The following LRRC61 variants were observed in gnomAD, a reference collection of about 807,000 sequenced individuals.
LRRC61 encodes leucine rich repeat containing 61.
Under a neutral mutation model 15.1 loss-of-function variants are expected in LRRC61, and 9 were observed. That is an observed-to-expected ratio of 0.60 (90% CI 0.36 to 1.04). The LOEUF (loss-of-function observed/expected upper bound fraction) is 1.04. LRRC61 is among the 50% of genes least tolerant of loss of function. LRRC61 has a pLI of 0.01. For missense variants in LRRC61, 344 were observed against 335.6 expected, an observed-to-expected ratio of 1.03 and a Z score of -0.20; for synonymous variants, 173 against 158.6, an observed-to-expected ratio of 1.09 and a Z score of -0.68.
intron 2 of LRRC61, chr7:150,331,729 T>C (rs1244779624): frequency 6.0e-6 from 1 of 167,186 alleles, no homozygotes; most frequent in African/African-American, 2.4e-5. Context: ...TGGCCAAGGA[T>C]GTGGAGTGGG....
intron 2 of LRRC61, among the ~76,000 whole-genome samples, chr7:150,327,462 A>C (rs1797985719): frequency 1.3e-5 from 2 of 152,172 alleles, no homozygotes; most frequent in Non-Finnish European, 1.5e-5. Context: ...GGTTTCTAGC[A>C]GTAAACATGG....
In LRRC61 at chr7:150,330,103, A is replaced by T. The variant is rs1798058268; in HGVS notation, c.-145+4093A>T. 4.8e-6 allele frequency: 2 copies of T among 415,608 alleles called. No homozygotes were observed. The highest frequency in any genetic ancestry group is 9.2e-5 in the East Asian group (2 of 21,646). The allele number at this position is 415,608 out of a possible 1,614,324, so 25.7% of individuals were successfully genotyped here. A position where few individuals can be genotyped will look rare whatever the true frequency, so the allele number is the denominator to read the frequency against. On this transcript the variant is annotated intron_variant, in intron 2 of 2. Coordinates refer to ENST00000359623, the MANE Select transcript of LRRC61 (RefSeq NM_001142928.2). This position sits in a 1 kb window ranked among gnomAD's most constrained non-coding sequence, Gnocchi z 4.6. ...GTGAGAAACTTTCTGTGTCACCCTCACAGTGTCCAGATCATCCTGGGCACT... is the reference window on the plus strand; with the variant it reads ...GTGAGAAACTTTCTGTGTCACCCTCTCAGTGTCCAGATCATCCTGGGCACT...
Position 150,335,041 on chromosome 7 carries a change from A to G in LRRC61, c.-144-1677A>G, listed in dbSNP as rs1371866818. On this transcript the variant is annotated intron_variant, in intron 2 of 2. Coordinates refer to ENST00000359623, the MANE Select transcript of LRRC61 (RefSeq NM_001142928.2). The surrounding 1 kb of genome is among the most constrained non-coding windows in gnomAD (Gnocchi z 4.3). ...GTGAAACTCTGTCTCAAAAAAAAAA[A>G]AAAAAAAGAAAAAAAGGAGCCCCTG... Among the ~76,000 whole-genome samples the G allele has an allele frequency of 1.3e-5, 2 of 151,536 alleles. No homozygotes were observed. Among genetic ancestry groups the G allele is most frequent in the Non-Finnish European group, 2.9e-5 (2 of 67,894 alleles).
At chr7:150,314,715 G>A in the LRRC61 span, among the ~76,000 whole-genome samples, 1 of 150,882 alleles carries the variant, frequency 6.6e-6, no homozygotes, top group Non-Finnish European at 1.5e-5. Flanking sequence ...GGCTGAGGTG[G>A]GTGGATCCCT....
chr7:150,318,693 C>T (rs536473086), upstream of LRRC61, among the ~76,000 whole-genome samples: 24 of 152,260 alleles, frequency 1.6e-4, no homozygotes, highest in East Asian at 7.7e-4. Context: ...ACCCGAAGAG[C>T]CGAGATCGCA....
chr7:150,336,034 G>A (rs1012598511), intron 2 of LRRC61, among the ~76,000 whole-genome samples: 2 of 152,180 alleles, frequency 1.3e-5, no homozygotes, highest in South Asian at 2.1e-4. Flanking sequence ...TAGCTTTGGC[G>A]GGCAGTGAAG....
At position 150,333,889 on chromosome 7, in the gene LRRC61, A is replaced by G. The variant is rs76735405; in HGVS notation, c.-144-2829A>G. 9.9e-3 allele frequency: 9,782 copies of G among 985,138 alleles called. 391 individuals carry two copies. The East Asian group carries it at 0.12, about 13-fold the overall frequency. 61.0% of individuals were successfully genotyped at this position (985,138 alleles called of 1,614,324 possible). A position where few individuals can be genotyped will look rare whatever the true frequency, so the allele number is the denominator to read the frequency against. ...GTTTGCAGTGTGCAGGTGATGGACC[A>G]GAAACACAGCAGAGGTCACTGACCC... is the stretch of plus-strand genomic sequence containing the variant. On this transcript the variant is annotated intron_variant, in intron 2 of 2. Coordinates refer to ENST00000359623, the MANE Select transcript of LRRC61 (RefSeq NM_001142928.2). The surrounding 1 kb of genome is among the most constrained non-coding windows in gnomAD (Gnocchi z 4.3).
At position 150,323,565 on chromosome 7, in the gene LRRC61, G is replaced by A. The variant is rs1423268301; in HGVS notation, c.-315+5G>A. 1.1e-5 allele frequency: 5 copies of A among 444,146 alleles called. No individual in the cohort carries two copies. Among genetic ancestry groups the A allele is most frequent in the Non-Finnish European group, 2.3e-5 (5 of 222,212 alleles). The allele number at this position is 444,146 out of a possible 1,614,324, so 27.5% of individuals were successfully genotyped here. ...GCTGCCGGCTCCACCCCTCAGGTAAGCGGGGACTGGGCCGCCGAGGTTCAG... is the reference window on the plus strand; with the variant it reads ...GCTGCCGGCTCCACCCCTCAGGTAAACGGGGACTGGGCCGCCGAGGTTCAG... On this transcript the variant is annotated splice_donor_5th_base_variant and intron_variant, in intron 1 of 2. Transcript: ENST00000359623.
In LRRC61 at chr7:150,336,956, C is replaced by G. The variant is rs1215646461; in HGVS notation, c.95C>G (p.Ser32Cys). ...KSRTGEFSLE[S>C]ILLLKLRGLG... ...CGCACAGGCGAGTTCTCCCTGGAGT[C>G]CATCCTGCTACTGAAGCTGCGTGGC... is the stretch of plus-strand genomic sequence containing the variant. The change falls in exon 3 of 3, where the codon TCC becomes TGC. Residue 32 changes from serine to cysteine, a missense_variant. Physicochemically the swap from Ser to Cys is moderately radical, Grantham distance 112. Transcript: ENST00000359623. 6.2e-7 allele frequency: 1 copy of G among 1,614,004 alleles called. No homozygotes were observed.
chr7:150,318,785 CAG>C (rs147852839), upstream of LRRC61, among the ~76,000 whole-genome samples: 3,057 of 152,290 alleles, frequency 0.02, 106 homozygotes, highest in African/African-American at 0.07. Flanking sequence ...AAAGAACATA[CAG>C]AGTTTTTCAA....
intron 1 of LRRC61, among the ~76,000 whole-genome samples, chr7:150,325,142 C>T (rs1045598394): frequency 3.3e-5 from 5 of 152,188 alleles, no homozygotes; most frequent in African/African-American, 9.7e-5. Context: ...ACTGTGGAGG[C>T]GCTCTCCATC....
At position 150,330,875 on chromosome 7, in the gene LRRC61, T is replaced by C. The variant is rs1036773432; in HGVS notation, c.-145+4865T>C. The C allele has an allele frequency of 1.2e-6, 2 of 1,611,136 alleles. No individual in the cohort carries two copies. The highest frequency in any genetic ancestry group is 1.7e-6 in the Non-Finnish European group (2 of 1,178,440). On this transcript the variant is annotated intron_variant, in intron 2 of 2. Transcript: ENST00000359623. This position sits in a 1 kb window ranked among gnomAD's most constrained non-coding sequence, Gnocchi z 4.6. Reference sequence around the variant, plus strand: ...AGCCTCTGCAGAGCAGCAGCCACTCTGGGGCCTTCCTGCTGGCCCAGAGGG... The same window carrying C: ...AGCCTCTGCAGAGCAGCAGCCACTCCGGGGCCTTCCTGCTGGCCCAGAGGG...
intron 2 of LRRC61, among the ~76,000 whole-genome samples, chr7:150,334,741 G>T (rs1413121475): frequency 6.6e-6 from 1 of 152,232 alleles, no homozygotes; most frequent in African/African-American, 2.4e-5. Flanking sequence ...CCCCGGGCCG[G>T]GTGTGGTGGC....
the LRRC61 span, among the ~76,000 whole-genome samples, chr7:150,317,340 A>G: frequency 6.6e-6 from 1 of 152,212 alleles, no homozygotes; most frequent in African/African-American, 2.4e-5. Context: ...GGTGTAGGCC[A>G]CTGCGCCCAG....
chr7:150,315,370 G>C, the LRRC61 span, among the ~76,000 whole-genome samples: 1 of 152,056 alleles, frequency 6.6e-6, no homozygotes, highest in Non-Finnish European at 1.5e-5. Context: ...ACCTGGAAGA[G>C]GATATGCAGC....
At chr7:150,314,540 G>A in the LRRC61 span, among the ~76,000 whole-genome samples, 1 of 152,142 alleles carries the variant, frequency 6.6e-6, no homozygotes, top group African/African-American at 2.4e-5. Context: ...AGGGAGATGT[G>A]TGAAGCAAAT....
chr7:150,316,658 G>GT, the LRRC61 span, among the ~76,000 whole-genome samples: 1 of 151,928 alleles, frequency 6.6e-6, no homozygotes, highest in East Asian at 1.9e-4. Context: ...GCTAATTTTT[G>GT]TATTTTTAGT....
chr7:150,318,645 C>G (rs1409760127), upstream of LRRC61, among the ~76,000 whole-genome samples: 1 of 152,160 alleles, frequency 6.6e-6, no homozygotes, highest in Non-Finnish European at 1.5e-5. Flanking sequence ...AGCTGTAGTT[C>G]CAGTTACTCG....
upstream of LRRC61, among the ~76,000 whole-genome samples, chr7:150,318,694 C>T (rs1013977240): frequency 6.6e-5 from 10 of 152,180 alleles, no homozygotes; most frequent in East Asian, 3.9e-4. Flanking sequence ...CCCGAAGAGC[C>T]GAGATCGCAC....
Sources: gnomAD v4.1 joint callset for allele counts (sites outside exome capture counted in the v4.1 genomes callset) on GRCh38, gnomAD v4.1.1 for gene constraint, Gnocchi (gnomAD v3.1) non-coding constraint, MANE v1.5 for transcripts, NCBI Gene and HGNC (gene_info 2026-07-23, HGNC 2026-07-21) for gene names.